CERS6: variants seen among roughly 807,000 people sequenced by gnomAD.
CERS6 encodes the protein LAG1 homolog, ceramide synthase 6.
CERS6 carries 26 observed loss-of-function variants against 56.8 expected under a neutral mutation model. The observed-to-expected ratio is 0.46, with a 90% CI of 0.34 to 0.63. The LOEUF is 0.63. CERS6 is among the 30% of genes least tolerant of loss of function. The pLI, the probability that CERS6 is intolerant of heterozygous loss-of-function variation, is 0.01. For missense variants in CERS6, 415 were observed against 467.5 expected, an observed-to-expected ratio of 0.89 and a Z score of 1.04; for synonymous variants, 164 against 173.3, an observed-to-expected ratio of 0.95 and a Z score of 0.42.
chr2:168,771,698 TG>T lies in CERS6; in HGVS notation c.*2038del, dbSNP rs1215319417. On this transcript the variant is annotated 3_prime_UTR_variant, in exon 10 of 10. Coordinates refer to ENST00000305747, the MANE Select transcript of CERS6 (RefSeq NM_203463.3). ...TAGTGTCTGGGGCAAGTCCTCTCAA[TG>T]GCTAAAATTAACTTTAGAGATCCAT... 4.6e-5 allele frequency: 7 copies of T among 152,332 alleles called. No homozygotes were observed. Among genetic ancestry groups the T allele is most frequent in the South Asian group, 2.1e-4 (1 of 4,830 alleles). The allele number at this position is 152,332 out of a possible 1,614,324, so 9.4% of individuals were successfully genotyped here.
At chr2:168,500,744 T>G (rs1694565026) in intron 1 of CERS6, among the ~76,000 whole-genome samples, 1 of 152,222 alleles carries the variant, frequency 6.6e-6, no homozygotes, top group African/African-American at 2.4e-5. Flanking sequence ...GGGGATTATC[T>G]TTGAAGTAAA....
chr2:168,584,229 A>G (rs760072624), intron 3 of CERS6, among the ~76,000 whole-genome samples: 1 of 152,234 alleles, frequency 6.6e-6, no homozygotes, highest in Non-Finnish European at 1.5e-5. Context: ...AGACATAATG[A>G]ATACTGCCAG....
In CERS6 at chr2:168,561,287, G is replaced by A; in HGVS notation, c.372G>A (p.Glu124=). The change falls in exon 3 of 10, where the codon GAG becomes GAA. Residue 124 remains glutamate (E), a synonymous_variant. Transcript: ENST00000305747. The part of the protein sequence containing the change: ...QRWFRQRRNQ[E]KPSTLTRFCE... ...GGTTTCGACAAAGACGCAATCAGGA[G>A]AAGCCAAGCACGCTGACGAGGTTCT... 1 of 1,614,160 alleles carries A rather than the reference G, an allele frequency of 6.2e-7. No homozygotes were observed. The highest frequency in any genetic ancestry group is 1.1e-5 in the South Asian group (1 of 91,084).
intron 6 of CERS6, among the ~76,000 whole-genome samples, chr2:168,707,910 G>T (rs939271995): frequency 6.6e-6 from 1 of 152,076 alleles, no homozygotes; most frequent in African/African-American, 2.4e-5. Context: ...ACCACCATAA[G>T]ACAGGACAAA....
intron 4 of CERS6, among the ~76,000 whole-genome samples, chr2:168,664,273 C>G (rs1559042375): frequency 1.3e-5 from 2 of 152,150 alleles, no homozygotes; most frequent in Non-Finnish European, 2.9e-5. Flanking sequence ...GAGGCCCTTC[C>G]TTATCTCTTC....
At chr2:168,661,312 T>A (rs1307488452) in intron 4 of CERS6, among the ~76,000 whole-genome samples, 1 of 152,212 alleles carries the variant, frequency 6.6e-6, no homozygotes, top group Non-Finnish European at 1.5e-5. Flanking sequence ...CAATTAGGCA[T>A]GTAAGATTAC....
At chr2:168,676,769 G>T (rs1201374188) in intron 4 of CERS6, among the ~76,000 whole-genome samples, 1 of 152,222 alleles carries the variant, frequency 6.6e-6, no homozygotes. Context: ...CAGAAGTGCT[G>T]CATGTGTACT....
rs531611221 is a variant in CERS6 at position 168,526,304 on chromosome 2, T to C, written c.171-21292T>C. On this transcript the variant is annotated intron_variant, in intron 1 of 9. Coordinates refer to ENST00000305747, the MANE Select transcript of CERS6 (RefSeq NM_203463.3). ...GCCTCTTATTTGAGCTTCTCTTTGA[T>C]TTTAATCCTGTGAGTTTCCATTGCT... Among the ~76,000 whole-genome samples, 115 of 152,342 alleles carry C rather than the reference T, an allele frequency of 7.5e-4. 1 individual carries two copies. The highest frequency in any genetic ancestry group is 6.8e-3 in the Middle Eastern group (2 of 294).
intron 2 of CERS6, among the ~76,000 whole-genome samples, chr2:168,558,805 C>T (rs1442438051): frequency 1.3e-5 from 2 of 152,108 alleles, no homozygotes; most frequent in African/African-American, 4.8e-5. Flanking sequence ...GGAGGTGGAG[C>T]TTGCAGTGAG....
intron 4 of CERS6, among the ~76,000 whole-genome samples, chr2:168,638,690 C>G (rs1455680033): frequency 6.6e-6 from 1 of 152,096 alleles, no homozygotes; most frequent in Non-Finnish European, 1.5e-5. Flanking sequence ...GTATGCCATA[C>G]TTTGATTTTG....
intron 6 of CERS6, among the ~76,000 whole-genome samples, chr2:168,705,214 G>A (rs1166524155): frequency 6.6e-6 from 1 of 152,096 alleles, no homozygotes; most frequent in African/African-American, 2.4e-5. Context: ...GCTTTATAGG[G>A]TTGTTGTTAA....
At chr2:168,625,578 C>G (rs544517615) in intron 3 of CERS6, among the ~76,000 whole-genome samples, 44 of 152,168 alleles carry the variant, frequency 2.9e-4, no homozygotes, top group Non-Finnish European at 5.0e-4. Context: ...CTACTTGGAA[C>G]TCACAAGCAA....
intron 4 of CERS6, among the ~76,000 whole-genome samples, chr2:168,672,522 C>G (rs1474130172): frequency 6.6e-6 from 1 of 152,212 alleles, no homozygotes; most frequent in Non-Finnish European, 1.5e-5. Context: ...CCTAATTCTA[C>G]TTAGTGTGTT....
rs74353145 is a variant in CERS6 at position 168,687,544 on chromosome 2, G to A, written c.466-3490G>A. Among the ~76,000 whole-genome samples, 182 of 152,264 alleles carry A rather than the reference G, an allele frequency of 1.2e-3. 1 individual carries two copies. In the East Asian group the frequency reaches 0.026, roughly 22 times the overall value. ...TGTTCTTTTATAAATCTTTAATGGC[G>A]TCTGCTGGCCTCTGCTGGTGACATT... On this transcript the variant is annotated intron_variant, in intron 4 of 9. Coordinates refer to ENST00000305747, the MANE Select transcript of CERS6 (RefSeq NM_203463.3).
intron 8 of CERS6, among the ~76,000 whole-genome samples, chr2:168,756,756 T>G (rs1033935398): frequency 1.3e-5 from 2 of 152,150 alleles, no homozygotes; most frequent in Non-Finnish European, 2.9e-5. Context: ...TGGGAGAGCC[T>G]GACAGCCTAG....
intron 4 of CERS6, among the ~76,000 whole-genome samples, chr2:168,654,288 C>T (rs551370903): frequency 6.6e-6 from 1 of 152,088 alleles, no homozygotes; most frequent in Admixed American, 6.5e-5. Context: ...GTGGCTAATG[C>T]CTGTAATCCC....
rs980609111 is a variant in CERS6, at chr2:168,760,677, C to G, written c.846-4915C>G. On this transcript the variant is annotated intron_variant, in intron 8 of 9. Coordinates refer to ENST00000305747, the MANE Select transcript of CERS6 (RefSeq NM_203463.3). ...TTTAATAGTTTGCCCAAAAAAAGAA[C>G]AGTTTCCTCAATTGTAACATTCTTG... Among the ~76,000 whole-genome samples the G allele has an allele frequency of 3.3e-5, 5 of 152,174 alleles. No individual in the cohort carries two copies. In the East Asian group the frequency reaches 5.8e-4, roughly 18 times the overall value.
intron 8 of CERS6, among the ~76,000 whole-genome samples, chr2:168,724,432 G>C (rs187912854): frequency 9.2e-5 from 14 of 152,046 alleles, no homozygotes; most frequent in Admixed American, 5.9e-4. Flanking sequence ...CTGCTGGCTC[G>C]GGCAGCCTGC....
At chr2:168,557,638 T>C (rs1404907571) in intron 2 of CERS6, among the ~76,000 whole-genome samples, 1 of 152,154 alleles carries the variant, frequency 6.6e-6, no homozygotes, top group Non-Finnish European at 1.5e-5. Context: ...GTATTCCAAA[T>C]GTACTAAAGA....
Sources: allele counts gnomAD v4.1 joint callset (sites outside exome capture counted in the v4.1 genomes callset), GRCh38; gene constraint gnomAD v4.1.1; transcripts MANE v1.5; gene names NCBI Gene and HGNC (gene_info 2026-07-23, HGNC 2026-07-21).